The following TKT variants were observed in gnomAD, a reference collection of about 807,000 sequenced individuals.
The protein encoded by TKT is epididymis luminal protein 107.
Under a neutral mutation model 63.9 loss-of-function variants are expected in TKT, and 47 were observed. That is an observed-to-expected ratio of 0.74 (90% CI 0.58 to 0.94). TKT has a LOEUF of 0.94. Among genes scored for constraint, TKT ranks in the 40% least tolerant of loss-of-function variants. The pLI, the probability that TKT is intolerant of heterozygous loss-of-function variation, is 0.00. For missense variants in TKT, 721 were observed against 846.2 expected, an observed-to-expected ratio of 0.85 and a Z score of 1.84; for synonymous variants, 338 against 334.1, an observed-to-expected ratio of 1.01 and a Z score of -0.13.
In TKT at chr3:53,226,718, T is replaced by A. The variant is rs1553675574; in HGVS notation, c.1696+38A>T. ...CGTCCAACGCTCGGCTCTCTGGCCC[T>A]GTCCCTTGCCCAGCCTGCCTGCCCC... is the stretch of plus-strand genomic sequence containing the variant. On this transcript the variant is annotated intron_variant, in intron 13 of 13. Coordinates refer to ENST00000462138, the MANE Select transcript of TKT (RefSeq NM_001064.4). 2.5e-6 allele frequency: 4 copies of A among 1,613,576 alleles called. No homozygotes were observed. In the Admixed American group the frequency reaches 6.7e-5, roughly 27 times the overall value.
At chr3:53,249,133 ATTTT>A (rs1287553050) in intron 1 of TKT, among the ~76,000 whole-genome samples, 4 of 149,666 alleles carry the variant, frequency 2.7e-5, no homozygotes, top group Non-Finnish European at 5.9e-5. Flanking sequence ...TGCCCGACTC[ATTTT>A]TTTTGTATTT....
chr3:53,231,690 C>A, intron 6 of TKT, 140 bp from the exon 7 acceptor site: 2 of 861,074 alleles, frequency 2.3e-6, no homozygotes, highest in South Asian at 3.5e-5. Flanking sequence ...CAGAGCCCAG[C>A]CAGGCACGGG....
intron 4 of TKT, among the ~76,000 whole-genome samples, chr3:53,239,668 C>A (rs1705187566): frequency 6.6e-6 from 1 of 152,134 alleles, no homozygotes; most frequent in Non-Finnish European, 1.5e-5. Context: ...TACAAATCAC[C>A]TGGTGGGCGC....
intron 1 of TKT, among the ~76,000 whole-genome samples, chr3:53,251,157 A>G (rs1386877322): frequency 1.3e-5 from 2 of 152,238 alleles, no homozygotes; most frequent in Non-Finnish European, 2.9e-5. Flanking sequence ...AGGACTGGCC[A>G]GGCATTAACC....
At chr3:53,241,593 G>C (rs142429124) in intron 2 of TKT, among the ~76,000 whole-genome samples, 2 of 152,220 alleles carry the variant, frequency 1.3e-5, no homozygotes, top group Admixed American at 6.5e-5. Context: ...AAGCCTGCCC[G>C]AGAGACCAAA....
rs570289819 is a variant in TKT, at chr3:53,226,940, G to C, written c.1574-62C>G. On this transcript the variant is annotated intron_variant, in intron 12 of 13. Transcript: ENST00000462138. ...GCTGGGCACCACTATCTGCCCTGGTGGGGGCCTGGTGGGACATCCTGAGGG... is the reference window on the plus strand; with the variant it reads ...GCTGGGCACCACTATCTGCCCTGGTCGGGGCCTGGTGGGACATCCTGAGGG... 18 of 1,544,014 alleles carry C rather than the reference G, an allele frequency of 1.2e-5. No homozygotes were observed. In the South Asian group the frequency reaches 2.1e-4, roughly 18 times the overall value.
chr3:53,254,752 G>A (rs781836707), intron 1 of TKT, among the ~76,000 whole-genome samples: 2 of 152,196 alleles, frequency 1.3e-5, no homozygotes, highest in Non-Finnish European at 2.9e-5. Flanking sequence ...TACAGAGCGG[G>A]AAGCAGGCTC....
intron 1 of TKT, among the ~76,000 whole-genome samples, chr3:53,251,613 G>A (rs1326872301): frequency 1.3e-5 from 2 of 152,190 alleles, no homozygotes; most frequent in East Asian, 1.9e-4. Flanking sequence ...GAAAGCTATC[G>A]AGAAACGAGC....
rs1165835628 is a variant in TKT, at chr3:53,225,875, T to G, written c.1753A>C (p.Thr585Pro). The change falls in exon 14 of 14, where the codon ACC becomes CCC. Residue 585 changes from threonine to proline, a missense_variant. Transcript: ENST00000462138. ...GGTACCCGGTTAACTGCCAGGTGGG[T>G]GACAGTGATGCCAGGCTCGCCCACT... ...AVVGEPGITV[T>P]HLAVNRVPRS... 1 of 1,613,724 alleles carries G rather than the reference T, an allele frequency of 6.2e-7. No homozygotes were observed. The highest frequency in any genetic ancestry group is 8.5e-7 in the Non-Finnish European group (1 of 1,179,982).
Position 53,227,982 on chromosome 3 carries a change from A to G in TKT, c.1573+74T>C. ...AGCTCTTCAAGAAAGAACAGAAAGA[A>G]CGAAAGAAAGAACCCCAAGACCTAG... On this transcript the variant is annotated intron_variant, in intron 12 of 13. Transcript: ENST00000462138. 2.3e-6 allele frequency: 3 copies of G among 1,295,104 alleles called. No homozygotes were observed. The South Asian group carries it at 3.8e-5, about 16-fold the overall frequency. The allele number at this position is 1,295,104 out of a possible 1,614,324, so 80.2% of individuals were successfully genotyped here. A position where few individuals can be genotyped will look rare whatever the true frequency, so the allele number is the denominator to read the frequency against.
At chr3:53,248,885 C>T (rs1705629320) in intron 1 of TKT, among the ~76,000 whole-genome samples, 1 of 152,158 alleles carries the variant, frequency 6.6e-6, no homozygotes, top group Non-Finnish European at 1.5e-5. Flanking sequence ...TAGTAAATCT[C>T]TGCAAATTCA....
intron 1 of TKT, among the ~76,000 whole-genome samples, chr3:53,248,779 A>G (rs1575574503): frequency 6.6e-6 from 1 of 152,216 alleles, no homozygotes; most frequent in Non-Finnish European, 1.5e-5. Flanking sequence ...TTAGAGACAG[A>G]AAATTAGATT....
Position 53,225,915 on chromosome 3 carries a change from A to G in TKT, c.1713T>C (p.Ala571=). 1 of 1,610,490 alleles carries G rather than the reference A, an allele frequency of 6.2e-7. No individual in the cohort carries two copies. Among genetic ancestry groups the G allele is most frequent in the African/African-American group, 1.3e-5 (1 of 74,920 alleles). The part of the protein sequence containing the change: ...DHYYEGGIGE[A]VSSAVVGEPG... ...GCTCGCCCACTACTGCACTGGACAC[A>G]GCCTCACCAATGCCACCTAGAAATG... Residue 571 remains alanine (A), a synonymous_variant, in exon 14 of 14, where the codon GCT becomes GCC. Coordinates refer to ENST00000462138, the MANE Select transcript of TKT (RefSeq NM_001064.4).
In TKT at chr3:53,236,581, G is replaced by A. The variant is rs538099609; in HGVS notation, c.438-1407C>T. On this transcript the variant is annotated intron_variant, in intron 4 of 13. Transcript: ENST00000462138. Reference sequence around the variant, plus strand: ...AGAGACCCTGCAGGGACTCTGGTCTGGCACAGCAGCTCCAGAAAGGGGCCA... The same window carrying A: ...AGAGACCCTGCAGGGACTCTGGTCTAGCACAGCAGCTCCAGAAAGGGGCCA... Among the ~76,000 whole-genome samples, 57 of 152,338 alleles carry A rather than the reference G, an allele frequency of 3.7e-4. 1 individual carries two copies. The highest frequency in any genetic ancestry group is 2.8e-3 in the Admixed American group (43 of 15,306).
Position 53,226,659 on chromosome 3 carries a change from C to T in TKT, c.1696+97G>A, listed in dbSNP as rs1402987231. 1.1e-5 allele frequency: 17 copies of T among 1,567,372 alleles called. No individual in the cohort carries two copies. In the South Asian group the frequency reaches 1.6e-4, roughly 15 times the overall value. Reference sequence around the variant, plus strand: ...GGACAGCTCTGGGTGTTCTGGGCCACAGCTGCCCTCCTGGGGCTCAGATAG... The same window carrying T: ...GGACAGCTCTGGGTGTTCTGGGCCATAGCTGCCCTCCTGGGGCTCAGATAG... On this transcript the variant is annotated intron_variant, in intron 13 of 13. Transcript: ENST00000462138.
In TKT at chr3:53,234,933, G is replaced by C. The variant is rs782295264; in HGVS notation, c.629+50C>G. 4 of 1,534,316 alleles carry C rather than the reference G, an allele frequency of 2.6e-6. No homozygotes were observed. The African/African-American group carries it at 5.5e-5, about 21-fold the overall frequency. ...CTGCACCTGCAAAGCTGTGATCACA[G>C]ACCACTCTCCCGTGCTGTGACCACA... is the stretch of plus-strand genomic sequence containing the variant. On this transcript the variant is annotated intron_variant, in intron 5 of 13. Coordinates refer to ENST00000462138, the MANE Select transcript of TKT (RefSeq NM_001064.4).
At chr3:53,233,058 C>T in intron 6 of TKT, 98 bp downstream of exon 6, 3 of 1,027,996 alleles carry the variant, frequency 2.9e-6, no homozygotes, top group Non-Finnish European at 4.4e-6. Context: ...GCTCAGTGAG[C>T]AGCAAGGGCT....
chr3:53,237,112 A>T (rs1472793965), intron 4 of TKT, among the ~76,000 whole-genome samples: 3 of 152,218 alleles, frequency 2.0e-5, no homozygotes, highest in African/African-American at 7.2e-5. Flanking sequence ...GGATGTGTGC[A>T]GTGGCTCACG....
intron 7 of TKT, 112 bp downstream of exon 7, chr3:53,231,245 C>T: frequency 8.2e-7 from 1 of 1,224,746 alleles, no homozygotes. Flanking sequence ...TCACTCCTCG[C>T]CCTAAATGAA....
Sources: gnomAD v4.1 joint callset for allele counts (sites outside exome capture counted in the v4.1 genomes callset) on GRCh38, gnomAD v4.1.1 for gene constraint, MANE v1.5 for transcripts, NCBI Gene and HGNC (gene_info 2026-07-23, HGNC 2026-07-21) for gene names.